The following MIPOL1 variants were observed in gnomAD, a reference collection of about 807,000 sequenced individuals.
MIPOL1 encodes mirror-image polydactyly gene 1 protein.
A neutral mutation model predicts 60.9 loss-of-function variants in MIPOL1; 57 were observed. The ratio of observed to expected loss-of-function variants is 0.94; its 90% CI spans 0.76 to 1.17. The LOEUF is 1.17. Among genes scored for constraint, MIPOL1 ranks in the 50% most tolerant of loss-of-function variants. MIPOL1 has a pLI of 0.00. For synonymous variants in MIPOL1, 179 were observed against 168.8 expected (o/e 1.06, Z -0.47); for missense variants, 551 against 511.6 (o/e 1.08, Z -0.74).
At chr14:37,372,654 C>T (rs1216427079) in intron 10 of MIPOL1, among the ~76,000 whole-genome samples, 1 of 151,290 alleles carries the variant, frequency 6.6e-6, no homozygotes, top group African/African-American at 2.4e-5. Flanking sequence ...ACTCAGGAGA[C>T]TGAGGCAGGA....
At chr14:37,467,460 T>C (rs1194966621) in intron 11 of MIPOL1, among the ~76,000 whole-genome samples, 1 of 152,200 alleles carries the variant, frequency 6.6e-6, no homozygotes, top group East Asian at 1.9e-4. Flanking sequence ...CTGTCTATTC[T>C]CTATAAAGAA....
intron 1 of MIPOL1, among the ~76,000 whole-genome samples, chr14:37,225,585 GC>G (rs1418204788): frequency 1.3e-5 from 2 of 152,162 alleles, no homozygotes; most frequent in Admixed American, 6.5e-5. Context: ...TCCCTAGGCT[GC>G]ACACAGCACA....
intron 10 of MIPOL1, among the ~76,000 whole-genome samples, chr14:37,399,333 T>G (rs1469061202): frequency 2.6e-5 from 4 of 152,178 alleles, no homozygotes; most frequent in Non-Finnish European, 5.9e-5. Flanking sequence ...AGATTCCATC[T>G]TCGTATATGC....
chr14:37,238,667 A>G (rs1474097380), intron 1 of MIPOL1, among the ~76,000 whole-genome samples: 2 of 151,968 alleles, frequency 1.3e-5, no homozygotes, highest in Non-Finnish European at 2.9e-5. Flanking sequence ...AGTGCTATTC[A>G]GGGCCGGGTG....
intron 11 of MIPOL1, among the ~76,000 whole-genome samples, chr14:37,454,151 G>C (rs993462631): frequency 2.2e-4 from 34 of 152,194 alleles, no homozygotes; most frequent in Non-Finnish European, 1.2e-4. Context: ...AATATCTGCT[G>C]ATTCATGGAG....
chr14:37,257,892 A>G (rs1391810929), intron 3 of MIPOL1, among the ~76,000 whole-genome samples: 2 of 152,136 alleles, frequency 1.3e-5, no homozygotes, highest in Non-Finnish European at 2.9e-5. Context: ...GCCTGCAACA[A>G]TCCAGACGAG....
intron 12 of MIPOL1, among the ~76,000 whole-genome samples, chr14:37,536,620 G>GT (rs1037267403): frequency 2.2e-4 from 33 of 152,108 alleles, no homozygotes; most frequent in Admixed American, 1.6e-3. Flanking sequence ...TTGAGTTTTT[G>GT]TTTTGAGTTT....
intron 9 of MIPOL1, among the ~76,000 whole-genome samples, chr14:37,340,119 C>T (rs2090457901): frequency 6.6e-6 from 1 of 151,906 alleles, no homozygotes; most frequent in African/African-American, 2.4e-5. Flanking sequence ...CTTTCTTTTT[C>T]CTGTGTGAAA....
chr14:37,533,918 A>T (rs573247217), intron 12 of MIPOL1, among the ~76,000 whole-genome samples: 71 of 152,036 alleles, frequency 4.7e-4, no homozygotes, highest in Non-Finnish European at 1.0e-4. Context: ...ATGAAACTCC[A>T]TCTCTACTAA....
intron 12 of MIPOL1, chr14:37,501,726 T>C (rs900264105): frequency 7.2e-5 from 11 of 152,202 alleles, no homozygotes; most frequent in African/African-American, 2.7e-4. Flanking sequence ...AGATACCTGG[T>C]TCATCTCGTT....
intron 10 of MIPOL1, among the ~76,000 whole-genome samples, chr14:37,373,705 G>A (rs1195995903): frequency 1.3e-5 from 2 of 152,092 alleles, no homozygotes; most frequent in East Asian, 3.9e-4. Flanking sequence ...GTCCTGCAAA[G>A]GACATAAACT....
chr14:37,209,556 A>G (rs1440519683), intron 1 of MIPOL1, among the ~76,000 whole-genome samples: 1 of 152,180 alleles, frequency 6.6e-6, no homozygotes, highest in Non-Finnish European at 1.5e-5. Context: ...GCTACTCAGT[A>G]GACTGAGGCA....
intron 11 of MIPOL1, among the ~76,000 whole-genome samples, chr14:37,465,116 T>C (rs2094583023): frequency 6.6e-6 from 1 of 152,164 alleles, no homozygotes; most frequent in African/African-American, 2.4e-5. Flanking sequence ...TATAGACATG[T>C]CTTCAGGAGG....
chr14:37,315,730 A>G (rs1026326705), intron 9 of MIPOL1, among the ~76,000 whole-genome samples: 1 of 152,116 alleles, frequency 6.6e-6, no homozygotes, highest in Admixed American at 6.6e-5. Context: ...TGGATATGGT[A>G]TATTTGAGAT....
intron 12 of MIPOL1, among the ~76,000 whole-genome samples, chr14:37,517,755 G>GA (rs2095381496): frequency 6.6e-6 from 1 of 152,076 alleles, no homozygotes; most frequent in South Asian, 2.1e-4. Context: ...ATTGCTAACT[G>GA]AAAAAAATCA....
intron 11 of MIPOL1, among the ~76,000 whole-genome samples, chr14:37,484,641 A>C (rs2094921170): frequency 6.6e-6 from 1 of 151,886 alleles, no homozygotes; most frequent in Non-Finnish European, 1.5e-5. Flanking sequence ...CAGCCGTTAG[A>C]TCTTTTATTA....
intron 10 of MIPOL1, among the ~76,000 whole-genome samples, chr14:37,405,690 T>G (rs921025847): frequency 2.6e-5 from 4 of 151,976 alleles, no homozygotes; most frequent in African/African-American, 9.7e-5. Flanking sequence ...ATTTGAATAC[T>G]TTTAGTACTT....
intron 12 of MIPOL1, among the ~76,000 whole-genome samples, chr14:37,525,533 AG>A (rs1408941807): frequency 1.3e-5 from 2 of 152,200 alleles, no homozygotes; most frequent in African/African-American, 4.8e-5. Context: ...CACCTACTAA[AG>A]GAATAACACA....
chr14:37,442,704 A>AT (rs1348585502), intron 11 of MIPOL1, among the ~76,000 whole-genome samples: 2 of 151,746 alleles, frequency 1.3e-5, no homozygotes. Context: ...TGAAGGTACC[A>AT]TAAAAAAAAG....
Sources: gnomAD v4.1 joint callset for allele counts (sites outside exome capture counted in the v4.1 genomes callset) on GRCh38, gnomAD v4.1.1 for gene constraint, MANE v1.5 for transcripts, NCBI Gene and HGNC (gene_info 2026-07-23, HGNC 2026-07-21) for gene names.